The following ARHGEF17 variants were observed in gnomAD, a reference collection of about 807,000 sequenced individuals.
ARHGEF17 encodes Rho guanine nucleotide exchange factor 17.
In ARHGEF17, 80 loss-of-function variants were observed where a neutral mutation model predicts 174.0. The ratio of observed to expected loss-of-function variants is 0.46; its 90% CI spans 0.38 to 0.55. The LOEUF (loss-of-function observed/expected upper bound fraction) is 0.55. Among genes scored for constraint, ARHGEF17 ranks in the 20% least tolerant of loss-of-function variants. The probability of loss-of-function intolerance (pLI) is 0.00; values close to 1 mark genes in which losing one functional copy is unlikely to be tolerated. For missense variants in ARHGEF17, 2,886 were observed against 2,839.7 expected, an observed-to-expected ratio of 1.02 and a Z score of -0.37; for synonymous variants, 1,311 against 1,189.1, an observed-to-expected ratio of 1.10 and a Z score of -2.11.
At chr11:73,335,054 T>C (rs1194545749) in intron 1 of ARHGEF17, among the ~76,000 whole-genome samples, 2 of 152,178 alleles carry the variant, frequency 1.3e-5, no homozygotes, top group Non-Finnish European at 2.9e-5. Flanking sequence ...GGAGGTCATC[T>C]CATTCATAGG....
rs941489355 is a variant in ARHGEF17, at chr11:73,346,839, G to A, written c.3193-44G>A. 6.4e-6 allele frequency: 9 copies of A among 1,399,186 alleles called. No individual in the cohort carries two copies. The African/African-American group carries it at 8.9e-5, about 14-fold the overall frequency. 86.7% of individuals were successfully genotyped at this position (1,399,186 alleles called of 1,614,324 possible). On this transcript the variant is annotated intron_variant, in intron 1 of 20. Coordinates refer to ENST00000263674, the MANE Select transcript of ARHGEF17 (RefSeq NM_014786.4). Reference sequence around the variant, plus strand: ...ATGTGGCTACAGGTGATGGGGTCTGGGGGGAAAAAGACCCCTGTTCACCCT... The same window carrying A: ...ATGTGGCTACAGGTGATGGGGTCTGAGGGGAAAAAGACCCCTGTTCACCCT...
At position 73,356,721 on chromosome 11, in the gene ARHGEF17, C is replaced by G; in HGVS notation, c.3853C>G (p.Leu1285Val). 6.2e-7 allele frequency: 1 copy of G among 1,614,202 alleles called. No individual in the cohort carries two copies. Among genetic ancestry groups the G allele is most frequent in the South Asian group, 1.1e-5 (1 of 91,084 alleles). ...IEGMEDLQAPLRRFLRQEMVI... is the reference protein window; with the variant it reads ...IEGMEDLQAPVRRFLRQEMVI... ...TCCTGTCCCACAGCTCCAGGCCCCT[C>G]TGCGGCGGTTCCTGAGACAGGAGAT... The change falls in exon 7 of 21, where the codon CTG becomes GTG. Residue 1285 changes from leucine (L) to valine (V), a missense_variant. Coordinates refer to ENST00000263674, the MANE Select transcript of ARHGEF17 (RefSeq NM_014786.4).
At chr11:73,366,956 C>T (rs923039810) in intron 20 of ARHGEF17, among the ~76,000 whole-genome samples, 13 of 152,178 alleles carry the variant, frequency 8.5e-5, no homozygotes, top group Non-Finnish European at 1.5e-4. Context: ...AGGAGAATCA[C>T]TTGAACCAGG....
intron 1 of ARHGEF17, among the ~76,000 whole-genome samples, chr11:73,314,741 C>T (rs1175389524): frequency 1.3e-5 from 2 of 152,108 alleles, no homozygotes; most frequent in African/African-American, 2.4e-5. Context: ...CTCCCTGCCC[C>T]GCCCCTCCCA....
In ARHGEF17 at chr11:73,362,473, C is replaced by G. The variant is rs974701055; in HGVS notation, c.4735C>G (p.Pro1579Ala). Residue 1579 changes from proline (P) to alanine (A), a missense_variant, in exon 14 of 21, where the codon CCG (proline) becomes GCG (alanine). This residue lies in a region of ARHGEF17 where 476 missense variants were observed against 473.1 expected (regional missense o/e 1.01). Transcript: ENST00000263674. ...PSLRSPPETA[P>A]EPAGPELDVE... is the part of the protein sequence containing the mutation. Reference sequence around the variant, plus strand: ...GCTGAGGAGTCCTCCAGAGACGGCACCGGAGCCCGCCGGGCCGGAGCTGGA... The same window carrying G: ...GCTGAGGAGTCCTCCAGAGACGGCAGCGGAGCCCGCCGGGCCGGAGCTGGA... The G allele has an allele frequency of 1.6e-5, 26 of 1,591,660 alleles. No homozygotes were observed. The highest frequency in any genetic ancestry group is 1.2e-4 in the Admixed American group (7 of 59,160).
chr11:73,359,004 A>AC (rs1865692546), intron 9 of ARHGEF17, among the ~76,000 whole-genome samples: 1 of 151,560 alleles, frequency 6.6e-6, no homozygotes, highest in South Asian at 2.1e-4. Flanking sequence ...GCTGCCTCTC[A>AC]CCCCCACGGG....
intron 1 of ARHGEF17, among the ~76,000 whole-genome samples, chr11:73,315,959 C>A (rs1247202521): frequency 8.3e-6 from 1 of 120,420 alleles, no homozygotes; most frequent in Non-Finnish European, 1.7e-5. Context: ...TGTGATCTTT[C>A]AGGCTACACA....
chr11:73,316,462 G>A (rs1023264291), intron 1 of ARHGEF17, among the ~76,000 whole-genome samples: 3 of 152,204 alleles, frequency 2.0e-5, no homozygotes, highest in African/African-American at 7.2e-5. Flanking sequence ...AGCAGGATAA[G>A]GGAGTAGAGA....
chr11:73,362,585 G>T lies in ARHGEF17; in HGVS notation c.4847G>T (p.Gly1616Val). 1 of 1,610,358 alleles carries T rather than the reference G, an allele frequency of 6.2e-7. No homozygotes were observed. Among genetic ancestry groups the T allele is most frequent in the Non-Finnish European group, 8.5e-7 (1 of 1,179,872 alleles). The stretch of plus-strand genomic sequence containing the variant: ...CTTCACATCTCCATTGCAGGCTCGG[G>T]CTTGGAGATGACGCCGGGCCTCGGC... ...PCLHISIAGS[G>V]LEMTPGLGEG... Residue 1616 changes from glycine to valine, a missense_variant, in exon 14 of 21, where the codon GGC (glycine) becomes GTC (valine). Gly to Val is a moderately radical substitution (Grantham distance 109). This residue lies in a region of ARHGEF17 where 476 missense variants were observed against 473.1 expected (regional missense o/e 1.01). Coordinates refer to ENST00000263674, the MANE Select transcript of ARHGEF17 (RefSeq NM_014786.4).
In ARHGEF17 at chr11:73,360,012, G is replaced by A. The variant is rs1184955851; in HGVS notation, c.4206+60G>A. ...GGGTGGGAGGCTTCTGACCCTGTCT[G>A]AGAGATAGACAGCCCTGACATTTGC... On this transcript the variant is annotated intron_variant, in intron 10 of 20. Transcript: ENST00000263674. 9.0e-6 allele frequency: 13 copies of A among 1,441,766 alleles called. No homozygotes were observed. The East Asian group carries it at 2.5e-4, about 28-fold the overall frequency. 89.3% of individuals were successfully genotyped at this position (1,441,766 alleles called of 1,614,324 possible). A position where few individuals can be genotyped will look rare whatever the true frequency, so the allele number is the denominator to read the frequency against.
chr11:73,330,533 T>C (rs1488808738), intron 1 of ARHGEF17, among the ~76,000 whole-genome samples: 1 of 151,860 alleles, frequency 6.6e-6, no homozygotes, highest in East Asian at 1.9e-4. Flanking sequence ...CTTTCTAGGG[T>C]GGGTGTGAAG....
chr11:73,353,539 T>G (rs1158279735), intron 3 of ARHGEF17, among the ~76,000 whole-genome samples: 1 of 152,216 alleles, frequency 6.6e-6, no homozygotes, highest in Non-Finnish European at 1.5e-5. Context: ...TCAACAGCCC[T>G]GGTAGGAGAG....
Position 73,367,801 on chromosome 11 carries a change from G to T in ARHGEF17, c.*21G>T, listed in dbSNP as rs761775086. The T allele has an allele frequency of 1.1e-5, 18 of 1,590,918 alleles. No individual in the cohort carries two copies. Among genetic ancestry groups the T allele is most frequent in the Non-Finnish European group, 1.4e-5 (16 of 1,163,848 alleles). ...TGTGACCCTGTCTGCCGTGGCCCAG[G>T]ACTCGCCCGCCCACCTGCCTTCAGC... On this transcript the variant is annotated 3_prime_UTR_variant, in exon 21 of 21. Coordinates refer to ENST00000263674, the MANE Select transcript of ARHGEF17 (RefSeq NM_014786.4).
chr11:73,328,290 G>C (rs1196538804), intron 1 of ARHGEF17, among the ~76,000 whole-genome samples: 1 of 152,210 alleles, frequency 6.6e-6, no homozygotes, highest in Non-Finnish European at 1.5e-5. Flanking sequence ...GGAGGGATGG[G>C]ACTCTGCAGG....
chr11:73,336,803 G>A (rs1417317194), intron 1 of ARHGEF17, among the ~76,000 whole-genome samples: 1 of 152,222 alleles, frequency 6.6e-6, no homozygotes, highest in African/African-American at 2.4e-5. Context: ...TGCTGGGCTG[G>A]AATTACCTTG....
At chr11:73,332,756 T>C (rs1865228794) in intron 1 of ARHGEF17, among the ~76,000 whole-genome samples, 2 of 152,126 alleles carry the variant, frequency 1.3e-5, no homozygotes, top group South Asian at 2.1e-4. Flanking sequence ...AGCAAGGTAC[T>C]TAACTTTTGA....
intron 1 of ARHGEF17, among the ~76,000 whole-genome samples, chr11:73,323,366 G>A (rs1286850172): frequency 6.6e-6 from 1 of 152,212 alleles, no homozygotes; most frequent in East Asian, 1.9e-4. Context: ...GGGAACTGAG[G>A]GAGAGGGACT....
rs755849158 is a variant in ARHGEF17 at position 73,309,392 on chromosome 11, G to A, written c.754G>A (p.Glu252Lys). ...VSRSRAASSS[E>K]EEEEGPPQLP... ...CCGCAGTCGTGCTGCCAGCTCCAGC[G>A]AGGAGGAAGAGGAGGGCCCGCCGCA... Residue 252 changes from glutamate to lysine, a missense_variant, in exon 1 of 21, where the codon GAG (glutamate) becomes AAG (lysine). Coordinates refer to ENST00000263674, the MANE Select transcript of ARHGEF17 (RefSeq NM_014786.4). The A allele has an allele frequency of 5.8e-6, 9 of 1,557,756 alleles. No individual in the cohort carries two copies. The highest frequency in any genetic ancestry group is 3.6e-5 in the South Asian group (3 of 83,660).
rs755246319 is a variant in ARHGEF17 at position 73,367,715 on chromosome 11, GGCA to G, written c.6135_6137del (p.Ser2046del). ...GGACTTCCGACTCAGCAGTGGGGGC[GGCA>G]GCAGCAGTGAGACTGTGGGTCGAGA... On this transcript the variant is annotated inframe_deletion, in exon 21 of 21. Coordinates refer to ENST00000263674, the MANE Select transcript of ARHGEF17 (RefSeq NM_014786.4). 3.3e-5 allele frequency: 53 copies of G among 1,614,076 alleles called. 2 individuals are homozygous for G. The South Asian group carries it at 5.7e-4, about 17-fold the overall frequency.
Sources: allele counts gnomAD v4.1 joint callset (sites outside exome capture counted in the v4.1 genomes callset), GRCh38; gene constraint gnomAD v4.1.1; regional missense constraint gnomAD v4.1.1; transcripts MANE v1.5; gene names NCBI Gene and HGNC (gene_info 2026-07-23, HGNC 2026-07-21).